MACROD2: variants seen among roughly 807,000 people sequenced by gnomAD.
The protein encoded by MACROD2 is ADP-ribose glycohydrolase MACROD2.
Under a neutral mutation model 70.4 loss-of-function variants are expected in MACROD2, and 36 were observed. The ratio of observed to expected loss-of-function variants is 0.51; its 90% confidence interval spans 0.39 to 0.68. The LOEUF (loss-of-function observed/expected upper bound fraction) is 0.68. MACROD2 is among the 30% of genes least tolerant of loss of function. MACROD2 has a pLI of 0.00. For synonymous variants in MACROD2, 172 were observed against 178.8 expected (o/e 0.96, Z 0.30); for missense variants, 496 against 538.4 (o/e 0.92, Z 0.78).
chr20:15,848,540 G>A (rs1300463023), intron 8 of MACROD2, among the ~76,000 whole-genome samples: 1 of 152,122 alleles, frequency 6.6e-6, no homozygotes, highest in Non-Finnish European at 1.5e-5. Flanking sequence ...AAGTTCCCGA[G>A]GGAGACTTAA....
At chr20:14,506,763 A>G (rs2084973337) in intron 4 of MACROD2, among the ~76,000 whole-genome samples, 1 of 152,184 alleles carries the variant, frequency 6.6e-6, no homozygotes. Flanking sequence ...GTTTTGGCTA[A>G]CACAGTGAAA....
At chr20:14,768,953 G>T (rs946236462) in intron 5 of MACROD2, among the ~76,000 whole-genome samples, 1 of 152,068 alleles carries the variant, frequency 6.6e-6, no homozygotes, top group Non-Finnish European at 1.5e-5. Flanking sequence ...TCAAGAAAAG[G>T]ATAAAGGAAT....
intron 12 of MACROD2, among the ~76,000 whole-genome samples, chr20:15,956,567 G>A (rs1490963564): frequency 6.6e-6 from 1 of 152,132 alleles, no homozygotes; most frequent in African/African-American, 2.4e-5. Context: ...AATGAAAGAT[G>A]TCTTAGACAC....
At chr20:16,014,651 ATGTCCCCTTCC>A (rs1376137925) in intron 15 of MACROD2, among the ~76,000 whole-genome samples, 1 of 152,210 alleles carries the variant, frequency 6.6e-6, no homozygotes, top group Non-Finnish European at 1.5e-5. Flanking sequence ...TCCACGGGCC[ATGTCCCCTTCC>A]TGTCCCTGGC....
intron 3 of MACROD2, among the ~76,000 whole-genome samples, chr20:14,444,787 A>C (rs528144940): frequency 6.6e-6 from 1 of 152,084 alleles, no homozygotes; most frequent in East Asian, 1.9e-4. Flanking sequence ...ACATAACGTC[A>C]TGTAGTTCAG....
At chr20:15,055,034 C>A (rs949094393) in intron 5 of MACROD2, among the ~76,000 whole-genome samples, 2 of 148,634 alleles carry the variant, frequency 1.3e-5, no homozygotes, top group Non-Finnish European at 3.0e-5. Flanking sequence ...CCTGCAACCT[C>A]TTCCTCCTGG....
chr20:15,088,761 C>G (rs1404570306), intron 5 of MACROD2, among the ~76,000 whole-genome samples: 1 of 151,748 alleles, frequency 6.6e-6, no homozygotes, highest in African/African-American at 2.4e-5. Flanking sequence ...AGACAGGACT[C>G]AGGTTAGGTG....
chr20:14,323,717 T>C (rs1178220380), intron 3 of MACROD2: 1 of 152,124 alleles, frequency 6.6e-6, no homozygotes, highest in African/African-American at 2.4e-5. Flanking sequence ...TTGCAAGGAT[T>C]TTAGGAGTTG....
intron 8 of MACROD2, among the ~76,000 whole-genome samples, chr20:15,604,356 A>T (rs1422021841): frequency 6.6e-6 from 1 of 151,944 alleles, no homozygotes; most frequent in African/African-American, 2.4e-5. Flanking sequence ...CAGTTTTTTT[A>T]TTTGCCTTTT....
chr20:15,549,618 A>G (rs1291337028), intron 8 of MACROD2, among the ~76,000 whole-genome samples: 2 of 152,214 alleles, frequency 1.3e-5, no homozygotes, highest in African/African-American at 4.8e-5. Context: ...TCTCACCTCC[A>G]GGGAGGGAAG....
rs1041517810 is a variant in MACROD2 at position 14,954,495 on chromosome 20, T to C, written c.418+269536T>C. On this transcript the variant is annotated intron_variant, in intron 5 of 17. Transcript: ENST00000684519. ...TATATATATTTAAATATATAAATTA[T>C]ATATAATTATTATTATATAATTAAT... Among the ~76,000 whole-genome samples the C allele has an allele frequency of 3.5e-5, 5 of 141,514 alleles. No homozygotes were observed. The East Asian group carries it at 6.0e-4, about 17-fold the overall frequency. 92.8% of individuals were successfully genotyped at this position (141,514 alleles called of 152,430 possible).
chr20:15,206,491 C>G (rs190670187), intron 5 of MACROD2, among the ~76,000 whole-genome samples: 4 of 152,026 alleles, frequency 2.6e-5, no homozygotes, highest in East Asian at 3.9e-4. Flanking sequence ...GTACATACAT[C>G]AATCAATGTG....
At chr20:15,228,156 T>C (rs1390796140) in intron 5 of MACROD2, among the ~76,000 whole-genome samples, 1 of 152,174 alleles carries the variant, frequency 6.6e-6, no homozygotes, top group African/African-American at 2.4e-5. Context: ...GCTTGTTACT[T>C]TTATTACAAA....
chr20:15,497,519 T>G (rs1412457808), intron 7 of MACROD2, among the ~76,000 whole-genome samples: 1 of 152,160 alleles, frequency 6.6e-6, no homozygotes, highest in Non-Finnish European at 1.5e-5. Context: ...CTTGAGCTCC[T>G]GACCTCGTGA....
intron 2 of MACROD2, among the ~76,000 whole-genome samples, chr20:14,022,600 C>G (rs2053102280): frequency 6.6e-6 from 1 of 151,954 alleles, no homozygotes; most frequent in Non-Finnish European, 1.5e-5. Flanking sequence ...TAGCCCTCCC[C>G]CACCCACCGA....
At chr20:15,399,253 C>A (rs2045898879) in intron 6 of MACROD2, among the ~76,000 whole-genome samples, 1 of 152,174 alleles carries the variant, frequency 6.6e-6, no homozygotes, top group Non-Finnish European at 1.5e-5. Context: ...CACCCCAATT[C>A]AGAGGTTTGG....
At chr20:14,751,076 C>G (rs1477921792) in intron 5 of MACROD2, among the ~76,000 whole-genome samples, 1 of 152,072 alleles carries the variant, frequency 6.6e-6, no homozygotes, top group African/African-American at 2.4e-5. Flanking sequence ...TTCAACCAAA[C>G]TTTAACTGAA....
chr20:15,608,674 C>G (rs1002721081), intron 8 of MACROD2, among the ~76,000 whole-genome samples: 7 of 152,166 alleles, frequency 4.6e-5, no homozygotes, highest in African/African-American at 1.7e-4. Flanking sequence ...ATTAAAAAAC[C>G]TTAAGCCTTT....
At chr20:15,427,900 A>G (rs1466293762) in intron 6 of MACROD2, among the ~76,000 whole-genome samples, 2 of 152,180 alleles carry the variant, frequency 1.3e-5, no homozygotes, top group African/African-American at 4.8e-5. Context: ...GTCTAGAAAT[A>G]TTTCTGATTA....
Sources: allele counts gnomAD v4.1 joint callset (sites outside exome capture counted in the v4.1 genomes callset), GRCh38; gene constraint gnomAD v4.1.1; transcripts MANE v1.5; gene names NCBI Gene and HGNC (gene_info 2026-07-23, HGNC 2026-07-21).